RAB11FIP3: variants seen among roughly 807,000 people sequenced by gnomAD.
The protein encoded by RAB11FIP3 is rab11 family-interacting protein 3.
A neutral mutation model predicts 77.8 loss-of-function variants in RAB11FIP3; 17 were observed. That is an observed-to-expected ratio of 0.22 (90% CI 0.15 to 0.33). The LOEUF (loss-of-function observed/expected upper bound fraction) is 0.33, where lower values mean the gene tolerates loss of function less well. RAB11FIP3 is among the 10% of genes least tolerant of loss of function. The pLI, the probability that RAB11FIP3 is intolerant of heterozygous loss-of-function variation, is 1.00. For synonymous variants in RAB11FIP3, 437 were observed against 448.2 expected (o/e 0.98, Z 0.31); for missense variants, 1,005 against 1,011.2 (o/e 0.99, Z 0.08).
At chr16:467,582 G>A in intron 2 of RAB11FIP3, among the ~76,000 whole-genome samples, 2 of 139,956 alleles carry the variant, frequency 1.4e-5, no homozygotes, top group African/African-American at 5.6e-5. Flanking sequence ...CAGGGAGGAG[G>A]TGCTGGGGCC....
In RAB11FIP3 at chr16:520,220, G is replaced by C; in HGVS notation, c.1959G>C (p.Glu653Asp). ...GCAGCAGCAGCATGGGCCTGCAGGA[G>C]TACCACAGCCGCGCCCGGGAGAGCG... ...RGRSSSMGLQEYHSRARESEL... is the reference protein window; with the variant it reads ...RGRSSSMGLQDYHSRARESEL... Residue 653 changes from glutamate (E) to aspartate (D), a missense_variant, in exon 12 of 14, where the codon GAG (glutamate) becomes GAC (aspartate). Glu to Asp is a conservative substitution (Grantham distance 45, BLOSUM62 2). This residue lies in a region of RAB11FIP3 where 433 missense variants were observed against 436.1 expected (regional missense o/e 0.99). Coordinates refer to ENST00000262305, the MANE Select transcript of RAB11FIP3 (RefSeq NM_014700.4). The C allele has an allele frequency of 6.5e-7, 1 of 1,545,980 alleles. No individual in the cohort carries two copies. The highest frequency in any genetic ancestry group is 1.4e-5 in the African/African-American group (1 of 73,396).
chr16:466,837 C>CT (rs1259731113), intron 2 of RAB11FIP3, among the ~76,000 whole-genome samples: 3 of 152,164 alleles, frequency 2.0e-5, no homozygotes. Flanking sequence ...ACAGATGGGC[C>CT]TGGGAGGGCT....
rs1204803336 is a variant in RAB11FIP3, at chr16:426,726, G to A, written c.714+6G>A. Reference sequence around the variant, plus strand: ...CGGTCTACGGGGCAGAGCAGGTACGGAGCGGCCCGGGCCGGGGCGTGGGAA... The same window carrying A: ...CGGTCTACGGGGCAGAGCAGGTACGAAGCGGCCCGGGCCGGGGCGTGGGAA... On this transcript the variant is annotated splice_donor_region_variant and intron_variant, in intron 1 of 13. Transcript: ENST00000262305. The surrounding 1 kb of genome is among the most constrained non-coding windows in gnomAD (Gnocchi z 5.0). 4.7e-6 allele frequency: 7 copies of A among 1,479,438 alleles called. No homozygotes were observed. The highest frequency in any genetic ancestry group is 6.3e-6 in the Non-Finnish European group (7 of 1,114,042). 91.6% of individuals were successfully genotyped at this position (1,479,438 alleles called of 1,614,324 possible). A position where few individuals can be genotyped will look rare whatever the true frequency, so the allele number is the denominator to read the frequency against.
At chr16:475,136 C>G in intron 3 of RAB11FIP3, 1 of 1,522,732 alleles carries the variant, frequency 6.6e-7, no homozygotes, top group South Asian at 1.2e-5. Context: ...GCCCAGTATT[C>G]CTATTTCTGT....
At chr16:433,586 C>T (rs565547283) in intron 1 of RAB11FIP3, among the ~76,000 whole-genome samples, 3 of 151,832 alleles carry the variant, frequency 2.0e-5, no homozygotes, top group East Asian at 3.9e-4. Context: ...CGGTGGCTCA[C>T]GCCTGTAATC....
intron 4 of RAB11FIP3, among the ~76,000 whole-genome samples, chr16:484,155 G>A (rs765121950): frequency 1.3e-5 from 2 of 152,140 alleles, no homozygotes; most frequent in Non-Finnish European, 2.9e-5. Flanking sequence ...TAAGTGCACA[G>A]CCAGCAGGTT....
rs184678072 is a variant in RAB11FIP3 at position 514,630 on chromosome 16, C to T, written c.1640+3830C>T. On this transcript the variant is annotated intron_variant, in intron 9 of 13. Transcript: ENST00000262305. The surrounding 1 kb of genome is among the most constrained non-coding windows in gnomAD (Gnocchi z 4.6). The stretch of plus-strand genomic sequence containing the variant: ...GTGTCATCAGCAGAATGGGGCTGTA[C>T]GAAGGTCACAGGCAGAGATCTGAAT... Among the ~76,000 whole-genome samples the T allele has an allele frequency of 2.7e-4, 41 of 152,224 alleles. No homozygotes were observed. The highest frequency in any genetic ancestry group is 7.2e-4 in the Admixed American group (11 of 15,298).
chr16:496,690 T>G, intron 5 of RAB11FIP3, 134 bp from the exon 6 acceptor site: 1 of 831,154 alleles, frequency 1.2e-6, no homozygotes, highest in Non-Finnish European at 2.0e-6. Context: ...TGGACTTGCC[T>G]GGGGGGCCCT....
rs768307838 is a variant in RAB11FIP3, at chr16:506,497, G to A, written c.1499+870G>A. On this transcript the variant is annotated intron_variant, in intron 8 of 13. Coordinates refer to ENST00000262305, the MANE Select transcript of RAB11FIP3 (RefSeq NM_014700.4). This position sits in a 1 kb window ranked among gnomAD's most constrained non-coding sequence, Gnocchi z 4.5. ...TTCCACATATTCTCAGCTCGGCCAA[G>A]GGCCCTGTCCCTTGAAGCTTCAGTG... 6.6e-6 allele frequency among the ~76,000 whole-genome samples: 1 copy of A among 152,182 alleles called. No homozygotes were observed. The highest frequency in any genetic ancestry group is 6.5e-5 in the Admixed American group (1 of 15,284).
chr16:476,004 C>T (rs572281614), intron 3 of RAB11FIP3, among the ~76,000 whole-genome samples: 5 of 152,222 alleles, frequency 3.3e-5, no homozygotes, highest in South Asian at 2.1e-4. Flanking sequence ...TACAGGCGCC[C>T]GCCACCACAC....
rs186979575 is a variant in RAB11FIP3 at position 495,274 on chromosome 16, G to A, written c.1266-1550G>A. Among the ~76,000 whole-genome samples, 457 of 152,196 alleles carry A rather than the reference G, an allele frequency of 3.0e-3. 2 individuals carry two copies. Among genetic ancestry groups the A allele is most frequent in the African/African-American group, 0.01 (418 of 41,508 alleles). On this transcript the variant is annotated intron_variant, in intron 5 of 13. Transcript: ENST00000262305. Reference sequence around the variant, plus strand: ...ACAGGAGCAGCCGCCACCCAGGGCCGGGGCAGAGCCCCCCAGCTACAGTCA... The same window carrying A: ...ACAGGAGCAGCCGCCACCCAGGGCCAGGGCAGAGCCCCCCAGCTACAGTCA...
At chr16:493,030 C>G (rs1567393308) in intron 5 of RAB11FIP3, among the ~76,000 whole-genome samples, 1 of 152,142 alleles carries the variant, frequency 6.6e-6, no homozygotes, top group Non-Finnish European at 1.5e-5. Context: ...GCAGGCAGAT[C>G]ACTTGAGGCC....
intron 5 of RAB11FIP3, among the ~76,000 whole-genome samples, chr16:490,961 T>C (rs2030126497): frequency 6.6e-6 from 1 of 152,220 alleles, no homozygotes; most frequent in Non-Finnish European, 1.5e-5. Context: ...CTGAGGGATG[T>C]GGGCTCACTG....
Position 507,560 on chromosome 16 carries a change from C to T in RAB11FIP3, c.1499+1933C>T, listed in dbSNP as rs1014499983. Among the ~76,000 whole-genome samples, 5 of 152,154 alleles carry T rather than the reference C, an allele frequency of 3.3e-5. No individual in the cohort carries two copies. The highest frequency in any genetic ancestry group is 7.2e-5 in the African/African-American group (3 of 41,418). On this transcript the variant is annotated intron_variant, in intron 8 of 13. Transcript: ENST00000262305. This position sits in a 1 kb window ranked among gnomAD's most constrained non-coding sequence, Gnocchi z 4.6. ...CCATGTCCAGCCTAGATGCCTTTGT[C>T]GAGTTGACTGTGGAGGTTTCATTTG...
At position 513,574 on chromosome 16, in the gene RAB11FIP3, G is replaced by A. The variant is rs1175796363; in HGVS notation, c.1640+2774G>A. 2.6e-5 allele frequency among the ~76,000 whole-genome samples: 4 copies of A among 152,314 alleles called. No individual in the cohort carries two copies. In the East Asian group the frequency reaches 5.8e-4, roughly 22 times the overall value. ...GCCTCTTAAAGTGCTGGGATTATGG[G>A]CATGAGCCACCTCACGTGGCTTTTT... is the stretch of plus-strand genomic sequence containing the variant. On this transcript the variant is annotated intron_variant, in intron 9 of 13. Transcript: ENST00000262305.
chr16:475,862 T>TATTTTTA (rs1567378929), intron 3 of RAB11FIP3, among the ~76,000 whole-genome samples: 2 of 151,980 alleles, frequency 1.3e-5, no homozygotes, highest in African/African-American at 4.8e-5. Flanking sequence ...TTTTATTTTT[T>TATTTTTA]AAATTGTTTT....
chr16:509,318 G>T (rs547970459), intron 8 of RAB11FIP3, among the ~76,000 whole-genome samples: 1 of 152,378 alleles, frequency 6.6e-6, no homozygotes, highest in African/African-American at 2.4e-5. Context: ...GCTCGCGGAG[G>T]CCGCTGGCTC....
chr16:441,942 C>G (rs1338241497), intron 1 of RAB11FIP3, among the ~76,000 whole-genome samples: 2 of 152,192 alleles, frequency 1.3e-5, no homozygotes, highest in African/African-American at 2.4e-5. Flanking sequence ...AGGTTCACGC[C>G]ATTCTCCTGC....
chr16:492,289 T>C (rs9931031), intron 5 of RAB11FIP3, among the ~76,000 whole-genome samples: 74,322 of 151,410 alleles, frequency 0.49, 19,609 homozygotes, highest in African/African-American at 0.7. Flanking sequence ...GGCCCGGCAC[T>C]GATGGCCATT....
Sources: allele counts gnomAD v4.1 joint callset (sites outside exome capture counted in the v4.1 genomes callset), GRCh38; gene constraint gnomAD v4.1.1; regional missense constraint gnomAD v4.1.1; non-coding constraint Gnocchi (gnomAD v3.1); transcripts MANE v1.5; gene names NCBI Gene and HGNC (gene_info 2026-07-23, HGNC 2026-07-21).